The following STN1 variants were observed in gnomAD, a reference collection of about 807,000 sequenced individuals.
STN1 encodes the protein STN1 subunit of CST complex, also known as CST complex subunit STN1.
In STN1, 29 loss-of-function variants were observed where a neutral mutation model predicts 45.5. The observed-to-expected ratio is 0.64, with a 90% confidence interval of 0.47 to 0.87. STN1 has a LOEUF of 0.87. Among genes scored for constraint, STN1 ranks in the 40% least tolerant of loss-of-function variants. STN1 has a pLI of 0.00. For synonymous variants in STN1, 148 were observed against 159.0 expected, an observed-to-expected ratio of 0.93 and a Z score of 0.52; for missense variants, 376 against 441.4, an observed-to-expected ratio of 0.85 and a Z score of 1.33.
intron 2 of STN1, among the ~76,000 whole-genome samples, chr10:103,917,209 A>G (rs1475967714): frequency 6.7e-6 from 1 of 150,224 alleles, no homozygotes; most frequent in African/African-American, 2.5e-5. Context: ...GAAAGACCCT[A>G]AATGGAGGTA....
chr10:103,889,164 G>C lies in STN1; in HGVS notation c.877-20C>G. On this transcript the variant is annotated intron_variant, in intron 8 of 9. Coordinates refer to ENST00000224950, the MANE Select transcript of STN1 (RefSeq NM_024928.5). ...GGTTACCTAAATAGGAAAAATAGTT[G>C]AGAGAGAGAGTGTTCTTAGGTAACA... 2.0e-6 allele frequency: 3 copies of C among 1,531,904 alleles called. No homozygotes were observed. In the South Asian group the frequency reaches 3.4e-5, roughly 17 times the overall value. The allele number at this position is 1,531,904 out of a possible 1,614,324, so 94.9% of individuals were successfully genotyped here.
rs1028926127 is a variant in STN1 at position 103,892,400 on chromosome 10, C to A, written c.754-148G>T. On this transcript the variant is annotated intron_variant, in intron 7 of 9. Coordinates refer to ENST00000224950, the MANE Select transcript of STN1 (RefSeq NM_024928.5). ...AAGATCCTGGTATGTACCGGCCTAGCAGGATGGTATTTAAGGAGGACTGAG... is the reference window on the plus strand; with the variant it reads ...AAGATCCTGGTATGTACCGGCCTAGAAGGATGGTATTTAAGGAGGACTGAG... 6.1e-6 allele frequency: 4 copies of A among 656,718 alleles called. No homozygotes were observed. In the African/African-American group the frequency reaches 7.3e-5, roughly 12 times the overall value. The allele number at this position is 656,718 out of a possible 1,614,324, so 40.7% of individuals were successfully genotyped here.
In STN1 at chr10:103,879,209, G is replaced by A. The variant is rs191508028; in HGVS notation, c.*3475C>T. On this transcript the variant is annotated 3_prime_UTR_variant, in exon 10 of 10. Transcript: ENST00000224950. ...CATACTTATTGGTCGTATTGCTTAGGAGATGCGTCAGGCACTGTTCTAGGT... is the reference window on the plus strand; with the variant it reads ...CATACTTATTGGTCGTATTGCTTAGAAGATGCGTCAGGCACTGTTCTAGGT... 3.9e-5 allele frequency: 6 copies of A among 152,388 alleles called. No individual in the cohort carries two copies. The highest frequency in any genetic ancestry group is 3.9e-4 in the Admixed American group (6 of 15,312). The allele number at this position is 152,388 out of a possible 1,614,324, so 9.4% of individuals were successfully genotyped here. A position where few individuals can be genotyped will look rare whatever the true frequency, so the allele number is the denominator to read the frequency against.
intron 1 of STN1, 21 bp from the exon 2 acceptor site, chr10:103,917,677 A>C: frequency 1.3e-6 from 2 of 1,493,288 alleles, no homozygotes; most frequent in South Asian, 1.2e-5. Flanking sequence ...CACAGAAATG[A>C]GGATGCAATG....
intron 5 of STN1, 151 bp downstream of exon 5, chr10:103,899,903 GATTTTCTA>G: frequency 1.8e-6 from 1 of 569,714 alleles, no homozygotes; most frequent in Non-Finnish European, 3.0e-6. Context: ...AAGAAATGCT[GATTTTCTA>G]AAGAAAGCAT....
chr10:103,890,187 T>C (rs1843130565), intron 8 of STN1, among the ~76,000 whole-genome samples: 1 of 151,960 alleles, frequency 6.6e-6, no homozygotes, highest in African/African-American at 2.4e-5. Context: ...TAGCTGTAAG[T>C]TTCCTCCTTA....
At chr10:103,887,554 C>T (rs962854420) in intron 9 of STN1, among the ~76,000 whole-genome samples, 7 of 152,122 alleles carry the variant, frequency 4.6e-5, no homozygotes, top group African/African-American at 1.4e-4. Context: ...CATTATGAAG[C>T]GGGGTGGTCA....
chr10:103,887,492 C>CTTGG (rs2134357535), intron 9 of STN1, among the ~76,000 whole-genome samples: 1 of 152,224 alleles, frequency 6.6e-6, no homozygotes, highest in African/African-American at 2.4e-5. Context: ...TTTTGCACTG[C>CTTGG]TTGGCTTTTC....
intron 9 of STN1, among the ~76,000 whole-genome samples, chr10:103,888,355 G>A (rs747158782): frequency 1.1e-4 from 17 of 152,168 alleles, no homozygotes; most frequent in Non-Finnish European, 2.5e-4. Flanking sequence ...GCAAAAGCTA[G>A]ACTTTGAAAA....
At chr10:103,909,323 G>A (rs1358043282) in intron 3 of STN1, among the ~76,000 whole-genome samples, 1 of 138,876 alleles carries the variant, frequency 7.2e-6, no homozygotes, top group Non-Finnish European at 1.5e-5. Context: ...TTCAGTATGG[G>A]AATTTCTGAC....
chr10:103,906,894 TG>T (rs1410513164), intron 3 of STN1, among the ~76,000 whole-genome samples: 10 of 152,244 alleles, frequency 6.6e-5, no homozygotes, highest in Admixed American at 3.9e-4. Context: ...ATGTCGATAG[TG>T]GGAGTATAAA....
chr10:103,888,605 T>C (rs1843118496), intron 9 of STN1, among the ~76,000 whole-genome samples: 1 of 152,172 alleles, frequency 6.6e-6, no homozygotes, highest in African/African-American at 2.4e-5. Context: ...AACCATCCCT[T>C]CCAACACTGA....
chr10:103,885,087 G>A (rs527733675), intron 9 of STN1, among the ~76,000 whole-genome samples: 10 of 152,260 alleles, frequency 6.6e-5, no homozygotes, highest in East Asian at 1.9e-4. Flanking sequence ...AGTCACTCCC[G>A]GGAACAAAAC....
At position 103,900,161 on chromosome 10, in the gene STN1, T is replaced by C. The variant is rs145372366; in HGVS notation, c.358A>G (p.Ile120Val). Reference sequence around the variant, plus strand: ...ATCTCTATCTTTGTTTTCTGCTCAATGGTCTCTTGTAGCTTCTTAAGTTGT... The same window carrying C: ...ATCTCTATCTTTGTTTTCTGCTCAACGGTCTCTTGTAGCTTCTTAAGTTGT... ...TSQLKKLQET[I>V]EQKTKIEIGD... The change falls in exon 5 of 10, where the codon ATT becomes GTT. Residue 120 changes from isoleucine to valine, a missense_variant. Physicochemically the swap from Ile to Val is conservative, Grantham distance 29. Transcript: ENST00000224950. The C allele has an allele frequency of 1.4e-5, 22 of 1,614,040 alleles. No homozygotes were observed. The African/African-American group carries it at 2.5e-4, about 19-fold the overall frequency.
intron 7 of STN1, among the ~76,000 whole-genome samples, chr10:103,892,549 C>G (rs757486573): frequency 6.6e-6 from 1 of 151,956 alleles, no homozygotes; most frequent in African/African-American, 2.4e-5. Context: ...GTTGGACAAT[C>G]TTTGACTTAT....
chr10:103,884,948 T>C (rs1212907143), intron 9 of STN1, among the ~76,000 whole-genome samples: 1 of 152,284 alleles, frequency 6.6e-6, no homozygotes, highest in Non-Finnish European at 1.5e-5. Flanking sequence ...ATTCACTCCA[T>C]AGACTTCCTG....
rs1463623203 is a variant in STN1, at chr10:103,881,988, G to T, written c.*696C>A. Among the ~76,000 whole-genome samples, 1 of 152,216 alleles carries T rather than the reference G, an allele frequency of 6.6e-6. No individual in the cohort carries two copies. The highest frequency in any genetic ancestry group is 2.4e-5 in the African/African-American group (1 of 41,456). On this transcript the variant is annotated 3_prime_UTR_variant, in exon 10 of 10. Transcript: ENST00000224950. ...GGGGCATCGAGGGACAATGTATTTA[G>T]TCATGCACCTCTGTAAGTGCAGGGA...
intron 9 of STN1, among the ~76,000 whole-genome samples, chr10:103,887,419 GGA>G (rs1412725957): frequency 6.6e-6 from 1 of 152,212 alleles, no homozygotes; most frequent in African/African-American, 2.4e-5. Flanking sequence ...CACTGCCTTT[GGA>G]GAGGGGAACA....
intron 9 of STN1, among the ~76,000 whole-genome samples, chr10:103,883,626 C>T (rs1564910550): frequency 6.6e-6 from 1 of 152,144 alleles, no homozygotes; most frequent in Non-Finnish European, 1.5e-5. Flanking sequence ...GCTATTGGCA[C>T]AAGTAGTTAT....
Sources: gnomAD v4.1 joint callset for allele counts (sites outside exome capture counted in the v4.1 genomes callset) on GRCh38, gnomAD v4.1.1 for gene constraint, MANE v1.5 for transcripts, NCBI Gene and HGNC (gene_info 2026-07-23, HGNC 2026-07-21) for gene names.